Variants in TRPC5 observed in about 807,000 individuals in gnomAD.
TRPC5 encodes the protein transient receptor potential cation channel subfamily C member 5.
TRPC5 carries 9 observed loss-of-function variants against 56.5 expected under a neutral mutation model. The observed-to-expected ratio is 0.16, with a 90% CI of 0.10 to 0.28. The LOEUF is 0.28. Among genes scored for constraint, TRPC5 ranks in the 10% least tolerant of loss-of-function variants. The probability of loss-of-function intolerance (pLI) is 1.00; values close to 1 mark genes in which losing one functional copy is unlikely to be tolerated. For missense variants in TRPC5, 469 were observed against 748.9 expected (o/e 0.63, Z 4.36); for synonymous variants, 282 against 278.5 (o/e 1.01, Z -0.13).
In TRPC5 at chrX:111,952,310, G is replaced by A. The variant is rs1927112188; in HGVS notation, c.111C>T (p.Leu37=). 1.7e-6 allele frequency: 2 copies of A among 1,212,029 alleles called. No individual in the cohort carries two copies. The highest frequency in any genetic ancestry group is 2.2e-6 in the Non-Finnish European group (2 of 895,597). Residue 37 remains leucine, a synonymous_variant, in exon 2 of 11, where the codon CTC becomes CTT. Coordinates refer to ENST00000262839, the MANE Select transcript of TRPC5 (RefSeq NM_012471.3). Reference sequence around the variant, plus strand: ...CATAGTCCCCCTTCTCCACAGCATTGAGGAAGGCCTTCTCCTCTGCAGAGA... The same window carrying A: ...CATAGTCCCCCTTCTCCACAGCATTAAGGAAGGCCTTCTCCTCTGCAGAGA... The part of the protein sequence containing the change: ...TELSAEEKAF[L]NAVEKGDYAT...
intron 1 of TRPC5, among the ~76,000 whole-genome samples, chrX:112,068,900 A>G (rs1930651079): frequency 8.9e-6 from 1 of 112,095 alleles, no homozygotes; most frequent in East Asian, 2.8e-4. Flanking sequence ...TACTTTTTAC[A>G]CACAGTATCT....
At chrX:111,823,109 G>A (rs191132661) in intron 7 of TRPC5, among the ~76,000 whole-genome samples, 70 of 112,456 alleles carry the variant, frequency 6.2e-4, no homozygotes, top group African/African-American at 2.1e-3. Context: ...AGCAGAGACT[G>A]CTGCTTGGCA....
intron 1 of TRPC5, among the ~76,000 whole-genome samples, chrX:112,063,059 T>C (rs1930495938): frequency 8.9e-6 from 1 of 112,104 alleles, no homozygotes; most frequent in East Asian, 2.8e-4. Context: ...TTCTAGCCCA[T>C]GAGACTGAGG....
At chrX:112,066,932 CAAAGAGAAGG>C (rs1930598462) in intron 1 of TRPC5, among the ~76,000 whole-genome samples, 1 of 111,895 alleles carries the variant, frequency 8.9e-6, no homozygotes, top group Non-Finnish European at 1.9e-5. Flanking sequence ...TTAATAAAAG[CAAAGAGAAGG>C]AAATCGTGAG....
intron 6 of TRPC5, among the ~76,000 whole-genome samples, chrX:111,841,453 C>A (rs768905886): frequency 9.0e-6 from 1 of 111,689 alleles, no homozygotes; most frequent in Non-Finnish European, 1.9e-5. Flanking sequence ...GCGTTGTACT[C>A]TAGTTTCCCT....
intron 3 of TRPC5, among the ~76,000 whole-genome samples, chrX:111,908,471 GAGGCTAAACTTT>G (rs1925701313): frequency 9.0e-6 from 1 of 111,459 alleles, no homozygotes; most frequent in Non-Finnish European, 1.9e-5. Flanking sequence ...CTCTGGCTAT[GAGGCTAAACTTT>G]AGGCCATATT....
chrX:111,983,372 A>G (rs1444321053), intron 1 of TRPC5, among the ~76,000 whole-genome samples: 1 of 111,511 alleles, frequency 9.0e-6, no homozygotes, highest in Non-Finnish European at 1.9e-5. Flanking sequence ...GTGGCTGAGT[A>G]AAGAGCCTGA....
intron 2 of TRPC5, among the ~76,000 whole-genome samples, chrX:111,938,597 G>T (rs1926672930): frequency 9.0e-6 from 1 of 111,204 alleles, no homozygotes; most frequent in Admixed American, 9.6e-5. Context: ...TGCATCTATT[G>T]AGATAATCAT....
chrX:111,789,634 C>A (rs1035283431), intron 7 of TRPC5, among the ~76,000 whole-genome samples: 5 of 112,204 alleles, frequency 4.5e-5, no homozygotes, highest in Non-Finnish European at 7.5e-5. Context: ...AGGCATCCTA[C>A]AGAATGGGAG....
At chrX:112,067,506 C>A (rs758596344) in intron 1 of TRPC5, among the ~76,000 whole-genome samples, 49 of 112,282 alleles carry the variant, frequency 4.4e-4, no homozygotes, top group Non-Finnish European at 8.8e-4. Flanking sequence ...TTTAATGACT[C>A]CAGAGTCTTG....
intron 1 of TRPC5, among the ~76,000 whole-genome samples, chrX:112,014,413 C>G (rs1210384319): frequency 8.9e-6 from 1 of 112,400 alleles, no homozygotes; most frequent in Non-Finnish European, 1.9e-5. Flanking sequence ...TGCATCTAAA[C>G]TGGGATCTAC....
At chrX:111,809,895 TTG>T (rs1921646356) in intron 7 of TRPC5, among the ~76,000 whole-genome samples, 1 of 106,527 alleles carries the variant, frequency 9.4e-6, no homozygotes, top group Non-Finnish European at 1.9e-5. Context: ...TTTTTTTTTG[TTG>T]TTGTTGTTGT....
At chrX:112,037,462 A>G (rs1929776862) in intron 1 of TRPC5, among the ~76,000 whole-genome samples, 1 of 111,718 alleles carries the variant, frequency 9.0e-6, no homozygotes, top group African/African-American at 3.3e-5. Flanking sequence ...GAATCTGACT[A>G]TTTTATTTAT....
chrX:111,979,581 G>T (rs1928023028), intron 1 of TRPC5, among the ~76,000 whole-genome samples: 1 of 111,016 alleles, frequency 9.0e-6, no homozygotes, highest in South Asian at 3.8e-4. Flanking sequence ...ATCTGATAAA[G>T]GACTCATTCA....
chrX:111,860,892 G>A (rs1923385372), intron 3 of TRPC5, among the ~76,000 whole-genome samples: 1 of 111,955 alleles, frequency 8.9e-6, no homozygotes, highest in South Asian at 3.7e-4. Context: ...AAACAACCTT[G>A]AAAGTAAAGT....
chrX:111,883,864 C>A (rs1367434245), intron 3 of TRPC5, among the ~76,000 whole-genome samples: 2 of 112,727 alleles, frequency 1.8e-5, no homozygotes, highest in Non-Finnish European at 3.7e-5. Flanking sequence ...TAGTCCTAAT[C>A]AGAACTTAGT....
At chrX:111,946,410 A>G (rs1420008759) in intron 2 of TRPC5, among the ~76,000 whole-genome samples, 1 of 111,740 alleles carries the variant, frequency 8.9e-6, no homozygotes, top group Non-Finnish European at 1.9e-5. Flanking sequence ...AAGTTTGCCT[A>G]GTGTCTTTCT....
At chrX:111,947,096 C>A (rs1171319388) in intron 2 of TRPC5, among the ~76,000 whole-genome samples, 2 of 111,637 alleles carry the variant, frequency 1.8e-5, no homozygotes, top group Non-Finnish European at 3.8e-5. Context: ...GCTAGTCATT[C>A]AAATCCTTCA....
intron 2 of TRPC5, among the ~76,000 whole-genome samples, chrX:111,929,154 T>C (rs552203665): frequency 1.8e-5 from 2 of 112,273 alleles, no homozygotes; most frequent in Admixed American, 1.9e-4. Context: ...GCTCCACCGA[T>C]GCAGGGATTG....
Sources: gnomAD v4.1 joint callset for allele counts (sites outside exome capture counted in the v4.1 genomes callset) on GRCh38, gnomAD v4.1.1 for gene constraint, MANE v1.5 for transcripts, NCBI Gene and HGNC (gene_info 2026-07-23, HGNC 2026-07-21) for gene names.